MACROD2: variants seen among roughly 807,000 people sequenced by gnomAD.
The protein encoded by MACROD2 is mono-ADP ribosylhydrolase 2, also known as ADP-ribose glycohydrolase MACROD2.
A neutral mutation model predicts 70.4 loss-of-function variants in MACROD2; 36 were observed. That is an observed-to-expected ratio of 0.51 (90% CI 0.39 to 0.68). The LOEUF (loss-of-function observed/expected upper bound fraction) is 0.68. Among genes scored for constraint, MACROD2 ranks in the 30% least tolerant of loss-of-function variants. MACROD2 has a pLI of 0.00. For missense variants in MACROD2, 496 were observed against 538.4 expected (o/e 0.92, Z 0.78); for synonymous variants, 172 against 178.8 (o/e 0.96, Z 0.30).
At chr20:15,003,679 A>T (rs1188020516) in intron 5 of MACROD2, among the ~76,000 whole-genome samples, 1 of 152,196 alleles carries the variant, frequency 6.6e-6, no homozygotes, top group Non-Finnish European at 1.5e-5. Flanking sequence ...GCTATAGTTT[A>T]AATGATAATA....
chr20:14,707,161 T>C (rs936418310), intron 5 of MACROD2, among the ~76,000 whole-genome samples: 1 of 152,170 alleles, frequency 6.6e-6, no homozygotes, highest in African/African-American at 2.4e-5. Context: ...TCCAGTCATC[T>C]CCTAAAAGGC....
At chr20:14,936,600 G>A (rs1246506620) in intron 5 of MACROD2, among the ~76,000 whole-genome samples, 1 of 151,250 alleles carries the variant, frequency 6.6e-6, no homozygotes, top group Non-Finnish European at 1.5e-5. Flanking sequence ...GGTTATATGG[G>A]ATCTGAAGCT....
intron 8 of MACROD2, among the ~76,000 whole-genome samples, chr20:15,504,200 T>A (rs2047397774): frequency 6.6e-6 from 1 of 152,130 alleles, no homozygotes; most frequent in Non-Finnish European, 1.5e-5. Flanking sequence ...GAAAATCATA[T>A]TCTGTTGCCC....
rs573575110 is a variant in MACROD2 at position 15,710,866 on chromosome 20, T to A, written c.646-151879T>A. Reference sequence around the variant, plus strand: ...AGAGGCCTCAAGGACAATGATGTATTGGCCCCCAGAGACTACTTTTGGGGC... The same window carrying A: ...AGAGGCCTCAAGGACAATGATGTATAGGCCCCCAGAGACTACTTTTGGGGC... On this transcript the variant is annotated intron_variant, in intron 8 of 17. Coordinates refer to ENST00000684519, the MANE Select transcript of MACROD2 (RefSeq NM_001351661.2). 2.0e-5 allele frequency among the ~76,000 whole-genome samples: 3 copies of A among 152,312 alleles called. No individual in the cohort carries two copies. The East Asian group carries it at 5.8e-4, about 29-fold the overall frequency.
intron 5 of MACROD2, among the ~76,000 whole-genome samples, chr20:15,032,026 G>C (rs1456947132): frequency 6.6e-6 from 1 of 152,192 alleles, no homozygotes; most frequent in African/African-American, 2.4e-5. Flanking sequence ...GGGTTGAGGC[G>C]TCAGGGGGCT....
chr20:14,889,302 CTTATA>C (rs758080678), intron 5 of MACROD2, among the ~76,000 whole-genome samples: 76 of 152,048 alleles, frequency 5.0e-4, no homozygotes, highest in Non-Finnish European at 9.9e-4. Context: ...CCTCATGAAA[CTTATA>C]TTTTAGCAGG....
intron 5 of MACROD2, among the ~76,000 whole-genome samples, chr20:14,869,486 T>C (rs1055411657): frequency 6.6e-6 from 1 of 152,172 alleles, no homozygotes; most frequent in Non-Finnish European, 1.5e-5. Flanking sequence ...CCAGGCTTCC[T>C]GCAGTGCTGT....
rs529753175 is a variant in MACROD2 at position 14,907,417 on chromosome 20, C to T, written c.418+222458C>T. Among the ~76,000 whole-genome samples the T allele has an allele frequency of 6.3e-4, 96 of 152,252 alleles. 1 individual carries two copies. Among genetic ancestry groups the T allele is most frequent in the Non-Finnish European group, 1.1e-3 (74 of 68,012 alleles). On this transcript the variant is annotated intron_variant, in intron 5 of 17. Coordinates refer to ENST00000684519, the MANE Select transcript of MACROD2 (RefSeq NM_001351661.2). ...ATTCTTTCCTGGATGAAGCCAAGAACGCTCCTGAACTAAGCCCCAATTTGG... is the reference window on the plus strand; with the variant it reads ...ATTCTTTCCTGGATGAAGCCAAGAATGCTCCTGAACTAAGCCCCAATTTGG...
At chr20:14,269,261 C>A (rs1392720077) in intron 3 of MACROD2, among the ~76,000 whole-genome samples, 1 of 152,036 alleles carries the variant, frequency 6.6e-6, no homozygotes, top group East Asian at 1.9e-4. Flanking sequence ...GGAAAAAGAG[C>A]GTATTATGTA....
intron 5 of MACROD2, among the ~76,000 whole-genome samples, chr20:14,999,077 C>A (rs2074973120): frequency 6.6e-6 from 1 of 152,112 alleles, no homozygotes; most frequent in African/African-American, 2.4e-5. Context: ...AAAGACTTTC[C>A]CAAACAAACA....
At chr20:14,328,347 A>C (rs2082772382) in intron 3 of MACROD2, among the ~76,000 whole-genome samples, 1 of 152,110 alleles carries the variant, frequency 6.6e-6, no homozygotes, top group Non-Finnish European at 1.5e-5. Context: ...TTCATACTGC[A>C]GGTTTTAATG....
At chr20:14,950,715 T>C (rs1047923131) in intron 5 of MACROD2, among the ~76,000 whole-genome samples, 2 of 152,180 alleles carry the variant, frequency 1.3e-5, no homozygotes, top group Non-Finnish European at 2.9e-5. Flanking sequence ...TTGAAGAGAA[T>C]ACATGAAACT....
intron 8 of MACROD2, among the ~76,000 whole-genome samples, chr20:15,765,186 T>C (rs1450253785): frequency 5.9e-5 from 9 of 152,160 alleles, no homozygotes; most frequent in Non-Finnish European, 1.2e-4. Context: ...TGCTATCCAT[T>C]GACAGCTGGG....
At chr20:15,227,836 T>TTTTTTTTTTTTG (rs2076923081) in intron 5 of MACROD2, among the ~76,000 whole-genome samples, 1 of 124,618 alleles carries the variant, frequency 8.0e-6, no homozygotes, top group African/African-American at 3.2e-5. Flanking sequence ...TTTTTTTTTT[T>TTTTTTTTTTTTG]TTTTTTTTTT....
intron 7 of MACROD2, among the ~76,000 whole-genome samples, chr20:15,475,320 C>G (rs2047008741): frequency 6.6e-6 from 1 of 152,170 alleles, no homozygotes; most frequent in South Asian, 2.1e-4. Context: ...CAAGGTACCT[C>G]TTTGTTGCTT....
At chr20:15,772,101 A>ATATATATAT (rs1476065147) in intron 8 of MACROD2, among the ~76,000 whole-genome samples, 1 of 91,426 alleles carries the variant, frequency 1.1e-5, no homozygotes, top group African/African-American at 5.1e-5. Flanking sequence ...AAAAAAAAAA[A>ATATATATAT]ATATATATAT....
At chr20:15,032,069 C>T (rs889474706) in intron 5 of MACROD2, among the ~76,000 whole-genome samples, 3 of 152,216 alleles carry the variant, frequency 2.0e-5, no homozygotes, top group Admixed American at 6.5e-5. Context: ...GGTGCACACA[C>T]GCGGCCAGGT....
chr20:14,968,266 C>T (rs1391339323), intron 5 of MACROD2, among the ~76,000 whole-genome samples: 1 of 152,120 alleles, frequency 6.6e-6, no homozygotes, highest in Non-Finnish European at 1.5e-5. Flanking sequence ...CAAGATGATA[C>T]TCCCGTTAAA....
chr20:15,636,071 C>CAAAAAAAAAAAAAAAAAAAAAAAAAA (rs1178846767), intron 8 of MACROD2, among the ~76,000 whole-genome samples: 1 of 27,964 alleles, frequency 3.6e-5, no homozygotes, highest in Non-Finnish European at 8.4e-5. Flanking sequence ...GGCTCCCTCT[C>CAAAAAAAAAAAAAAAAAAAAAAAAAA]AAAAGAAAAA....
Sources: allele counts gnomAD v4.1 joint callset (sites outside exome capture counted in the v4.1 genomes callset), GRCh38; gene constraint gnomAD v4.1.1; transcripts MANE v1.5; gene names NCBI Gene and HGNC (gene_info 2026-07-23, HGNC 2026-07-21).